The following ZFYVE9 variants were observed in gnomAD, a reference collection of about 807,000 sequenced individuals.
ZFYVE9 encodes the protein zinc finger FYVE domain-containing protein 9.
In ZFYVE9, 43 loss-of-function variants were observed where a neutral mutation model predicts 126.7. The ratio of observed to expected loss-of-function variants is 0.34; its 90% confidence interval spans 0.27 to 0.44. The LOEUF (loss-of-function observed/expected upper bound fraction) is 0.44. Among genes scored for constraint, ZFYVE9 ranks in the 20% least tolerant of loss-of-function variants. ZFYVE9 has a pLI of 1.00. For synonymous variants in ZFYVE9, 521 were observed against 597.4 expected (o/e 0.87, Z 1.87); for missense variants, 1,476 against 1,697.0 (o/e 0.87, Z 2.29).
At chr1:52,204,597 T>C (rs1442622356) in intron 1 of ZFYVE9, among the ~76,000 whole-genome samples, 1 of 151,808 alleles carries the variant, frequency 6.6e-6, no homozygotes, top group Non-Finnish European at 1.5e-5. Flanking sequence ...CATGGTTGCG[T>C]GTGCCTGTAA....
intron 5 of ZFYVE9, among the ~76,000 whole-genome samples, chr1:52,266,197 A>G (rs1248593155): frequency 6.6e-6 from 1 of 151,948 alleles, no homozygotes. Context: ...TCCCGGGTTC[A>G]TGCCATTCTC....
chr1:52,218,383 T>G (rs1645092440), intron 2 of ZFYVE9, among the ~76,000 whole-genome samples: 1 of 152,208 alleles, frequency 6.6e-6, no homozygotes, highest in Admixed American at 6.5e-5. Context: ...AATTTTCCCC[T>G]TGTTGTGAAA....
At chr1:52,287,410 C>T (rs1453642755) in intron 10 of ZFYVE9, among the ~76,000 whole-genome samples, 1 of 152,062 alleles carries the variant, frequency 6.6e-6, no homozygotes, top group African/African-American at 2.4e-5. Context: ...ACCATGCAGT[C>T]TAATCTTTTA....
chr1:52,275,596 T>C (rs1264781438), intron 8 of ZFYVE9, among the ~76,000 whole-genome samples: 1 of 152,082 alleles, frequency 6.6e-6, no homozygotes, highest in Non-Finnish European at 1.5e-5. Flanking sequence ...CTGGTGTGAG[T>C]TGATATCTCA....
chr1:52,316,540 G>C (rs552746767), intron 13 of ZFYVE9, among the ~76,000 whole-genome samples: 9 of 150,382 alleles, frequency 6.0e-5, no homozygotes, highest in Non-Finnish European at 4.4e-5. Context: ...ATTAATTAAA[G>C]CTGAAATGGC....
At chr1:52,249,825 T>C (rs761005711) in intron 4 of ZFYVE9, among the ~76,000 whole-genome samples, 25 of 152,206 alleles carry the variant, frequency 1.6e-4, no homozygotes, top group Non-Finnish European at 3.2e-4. Flanking sequence ...GTTTTATTCT[T>C]TTGAATGTGG....
chr1:52,165,930 T>C (rs1012885513), intron 1 of ZFYVE9, among the ~76,000 whole-genome samples: 1 of 152,330 alleles, frequency 6.6e-6, no homozygotes, highest in Admixed American at 6.5e-5. Context: ...TTAGCTCCTC[T>C]TCTTTGACTC....
chr1:52,346,342 A>C lies in ZFYVE9; in HGVS notation c.*121A>C. On this transcript the variant is annotated 3_prime_UTR_variant, in exon 19 of 19. Transcript: ENST00000287727. ...TAACACTATTAATGGGGTGGGGAAT[A>C]GGGTGGGAGTGGGGGTTTGGGAGAC... is the stretch of plus-strand genomic sequence containing the variant. 7 of 207,872 alleles carry C rather than the reference A, an allele frequency of 3.4e-5. No individual in the cohort carries two copies. Among genetic ancestry groups the C allele is most frequent in the Non-Finnish European group, 6.8e-5 (7 of 103,616 alleles). 12.9% of individuals were successfully genotyped at this position (207,872 alleles called of 1,614,324 possible).
chr1:52,324,271 A>G (rs2762824), intron 13 of ZFYVE9, among the ~76,000 whole-genome samples: 116,328 of 151,098 alleles, frequency 0.77, 48,905 homozygotes, highest in Non-Finnish European at 0.93. Context: ...ACACACACAC[A>G]CAAAAACAAA....
chr1:52,203,331 G>T (rs910344994), intron 1 of ZFYVE9, among the ~76,000 whole-genome samples: 1 of 151,778 alleles, frequency 6.6e-6, no homozygotes, highest in Non-Finnish European at 1.5e-5. Flanking sequence ...ACAGGCTTGC[G>T]CCACTACCGT....
chr1:52,233,385 T>C, intron 3 of ZFYVE9, 109 bp downstream of exon 3: 1 of 596,432 alleles, frequency 1.7e-6, no homozygotes, highest in East Asian at 3.7e-5. Flanking sequence ...GACTTAATGA[T>C]AGTAATATTA....
intron 13 of ZFYVE9, among the ~76,000 whole-genome samples, chr1:52,317,216 AACCCTTGTATTAG>A (rs1277487242): frequency 6.6e-6 from 1 of 152,126 alleles, no homozygotes; most frequent in East Asian, 1.9e-4. Flanking sequence ...TATAGCATTA[AACCCTTGTATTAG>A]AAAAAAAGGC....
At chr1:52,284,098 C>T (rs189616873) in intron 10 of ZFYVE9, among the ~76,000 whole-genome samples, 2 of 141,308 alleles carry the variant, frequency 1.4e-5, no homozygotes, top group African/African-American at 4.9e-5. Flanking sequence ...GTATGTTGGT[C>T]TTCTTCTATT....
At chr1:52,167,469 G>T (rs993860895) in intron 1 of ZFYVE9, among the ~76,000 whole-genome samples, 1 of 152,070 alleles carries the variant, frequency 6.6e-6, no homozygotes, top group Non-Finnish European at 1.5e-5. Context: ...ACTCAACAGC[G>T]CATGAGATAC....
intron 13 of ZFYVE9, among the ~76,000 whole-genome samples, chr1:52,317,483 GAAAAA>G (rs58562006): frequency 4.1e-5 from 6 of 146,342 alleles, no homozygotes; most frequent in East Asian, 2.0e-4. Context: ...CTCTGTCTCA[GAAAAA>G]AAAAAAAAAG....
intron 1 of ZFYVE9, among the ~76,000 whole-genome samples, chr1:52,184,474 G>T (rs956377389): frequency 2.8e-5 from 4 of 141,272 alleles, no homozygotes; most frequent in Non-Finnish European, 6.0e-5. Context: ...TTGAACTCCT[G>T]ACCTCAGGTG....
intron 2 of ZFYVE9, among the ~76,000 whole-genome samples, chr1:52,230,189 G>T (rs1049829247): frequency 6.6e-6 from 1 of 152,162 alleles, no homozygotes; most frequent in African/African-American, 2.4e-5. Context: ...ACACTTTGAA[G>T]GGTGAGGGGG....
rs1644783381 is a variant in ZFYVE9, at chr1:52,188,262, G to A, written c.-142-28107G>A. On this transcript the variant is annotated intron_variant, in intron 1 of 18. Transcript: ENST00000287727. ...ATACCACGTGTTCTTACTTATAAGT[G>A]AGAGCTAAATGATGAGAACACACAG... 6.6e-5 allele frequency among the ~76,000 whole-genome samples: 10 copies of A among 152,108 alleles called. No homozygotes were observed. The South Asian group carries it at 2.1e-3, about 32-fold the overall frequency.
chr1:52,193,254 A>T (rs894907966), intron 1 of ZFYVE9, among the ~76,000 whole-genome samples: 1 of 152,066 alleles, frequency 6.6e-6, no homozygotes, highest in Non-Finnish European at 1.5e-5. Context: ...GTTGGCTATT[A>T]TGCTGTGTAC....
Sources: allele counts gnomAD v4.1 joint callset (sites outside exome capture counted in the v4.1 genomes callset), GRCh38; gene constraint gnomAD v4.1.1; transcripts MANE v1.5; gene names NCBI Gene and HGNC (gene_info 2026-07-23, HGNC 2026-07-21).